The following CDH18 variants were observed in gnomAD, a reference collection of about 807,000 sequenced individuals.
The protein encoded by CDH18 is cadherin 18, also known as cadherin-18.
In CDH18, 31 loss-of-function variants were observed where a neutral mutation model predicts 67.9. The ratio of observed to expected loss-of-function variants is 0.46; its 90% CI spans 0.34 to 0.62. The LOEUF is 0.62. Ranked by LOEUF, CDH18 falls within the 20% of genes least tolerant of loss-of-function variation. The probability of loss-of-function intolerance (pLI) is 0.01; values close to 1 mark genes in which losing one functional copy is unlikely to be tolerated. For synonymous variants in CDH18, 362 were observed against 347.2 expected (o/e 1.04, Z -0.48); for missense variants, 890 against 975.5 (o/e 0.91, Z 1.17).
chr5:20,099,448 T>C (rs1232991925), intron 2 of CDH18, among the ~76,000 whole-genome samples: 1 of 152,230 alleles, frequency 6.6e-6, no homozygotes, highest in Non-Finnish European at 1.5e-5. Context: ...GAGGTCCTAT[T>C]AACCCTTGAT....
At chr5:19,766,687 A>T (rs1034127101) in intron 3 of CDH18, among the ~76,000 whole-genome samples, 3 of 152,148 alleles carry the variant, frequency 2.0e-5, no homozygotes, top group African/African-American at 7.2e-5. Context: ...ATTCACTCTG[A>T]ATTTCAGCAA....
At chr5:20,109,848 T>TA (rs900441626) in intron 2 of CDH18, among the ~76,000 whole-genome samples, 3 of 152,070 alleles carry the variant, frequency 2.0e-5, no homozygotes, top group Non-Finnish European at 2.9e-5. Context: ...TCTTTAGAAT[T>TA]AAAAAAAATA....
chr5:20,014,018 T>C (rs1189185511), intron 2 of CDH18, among the ~76,000 whole-genome samples: 2 of 152,106 alleles, frequency 1.3e-5, no homozygotes, highest in African/African-American at 4.8e-5. Context: ...TATACCACTG[T>C]GGTTATACAA....
chr5:19,961,324 G>C (rs1296128824), intron 2 of CDH18, among the ~76,000 whole-genome samples: 2 of 151,724 alleles, frequency 1.3e-5, no homozygotes, highest in Non-Finnish European at 2.9e-5. Flanking sequence ...GGCCAGACTG[G>C]TCTCAAACTC....
At position 20,373,585 on chromosome 5, in the gene CDH18, C is replaced by T. The variant is rs143588932; in HGVS notation, c.-579-118080G>A. Among the ~76,000 whole-genome samples the T allele has an allele frequency of 5.2e-4, 79 of 152,132 alleles. 1 individual carries two copies. The East Asian group carries it at 0.013, about 25-fold the overall frequency. ...TCATCTTTTGTAAATTTCAGCATTACTTACATTGGTTTTCAAAGCATTAAA... is the reference window on the plus strand; with the variant it reads ...TCATCTTTTGTAAATTTCAGCATTATTTACATTGGTTTTCAAAGCATTAAA... On this transcript the variant is annotated intron_variant, in intron 1 of 14. Coordinates refer to the CDH18 transcript ENST00000507958.
At chr5:19,950,556 G>A (rs909470183) in intron 2 of CDH18, among the ~76,000 whole-genome samples, 3 of 151,918 alleles carry the variant, frequency 2.0e-5, no homozygotes, top group South Asian at 2.1e-4. Flanking sequence ...ATTTTAAAAA[G>A]GAAGATATTT....
At chr5:19,898,696 A>C (rs780605585) in intron 2 of CDH18, among the ~76,000 whole-genome samples, 15 of 152,208 alleles carry the variant, frequency 9.9e-5, no homozygotes, top group South Asian at 4.1e-4. Flanking sequence ...TTACAAATTA[A>C]AGTTTTACAA....
At chr5:19,797,975 T>C (rs534846319) in intron 3 of CDH18, among the ~76,000 whole-genome samples, 14 of 152,116 alleles carry the variant, frequency 9.2e-5, no homozygotes, top group South Asian at 2.1e-4. Context: ...GAGAGAAACA[T>C]AGATTAATGG....
intron 7 of CDH18, among the ~76,000 whole-genome samples, chr5:19,574,599 C>A (rs757898408): frequency 1.3e-5 from 2 of 151,052 alleles, no homozygotes; most frequent in Non-Finnish European, 3.0e-5. Flanking sequence ...TGGTTTTACC[C>A]AAAAAAAATG....
intron 6 of CDH18, among the ~76,000 whole-genome samples, chr5:19,595,576 G>A (rs1266736518): frequency 3.3e-5 from 5 of 152,050 alleles, no homozygotes; most frequent in Non-Finnish European, 5.9e-5. Context: ...GTGAGCCGAC[G>A]TTGTGCCACT....
rs538562697 is a variant in CDH18, at chr5:20,369,082, C to T, written c.-579-113577G>A. On this transcript the variant is annotated intron_variant, in intron 1 of 14. Transcript: ENST00000507958. ...CTTCTTCTTCTCAGCTTGCCCTTGA[C>T]TGCTATGGAAACCAAAAAAAGAGCT... Among the ~76,000 whole-genome samples, 15 of 152,102 alleles carry T rather than the reference C, an allele frequency of 9.9e-5. No homozygotes were observed. The South Asian group carries it at 1.7e-3, about 17-fold the overall frequency.
intron 5 of CDH18, among the ~76,000 whole-genome samples, chr5:19,658,961 A>G (rs1756797922): frequency 6.6e-6 from 1 of 152,032 alleles, no homozygotes; most frequent in South Asian, 2.1e-4. Context: ...ATGGAATACT[A>G]TGCAGCCATA....
At chr5:19,785,057 A>G (rs866721039) in intron 3 of CDH18, among the ~76,000 whole-genome samples, 3 of 152,122 alleles carry the variant, frequency 2.0e-5, no homozygotes, top group South Asian at 4.1e-4. Context: ...TGTAATATAT[A>G]AAACCAAACT....
At chr5:19,544,136 C>A (rs924537234) in intron 8 of CDH18, 131 bp from the exon 9 acceptor site, 11 of 404,236 alleles carry the variant, frequency 2.7e-5, no homozygotes, top group Non-Finnish European at 3.9e-5. Context: ...GATTACATGG[C>A]AACTTTATAT....
At chr5:19,614,681 A>G (rs1749531073) in intron 5 of CDH18, among the ~76,000 whole-genome samples, 1 of 152,204 alleles carries the variant, frequency 6.6e-6, no homozygotes, top group Non-Finnish European at 1.5e-5. Flanking sequence ...GTTTTGCAAA[A>G]TAGATATGTA....
chr5:20,174,934 G>T (rs1362321141), intron 2 of CDH18, among the ~76,000 whole-genome samples: 3 of 151,902 alleles, frequency 2.0e-5, no homozygotes, highest in South Asian at 2.1e-4. Flanking sequence ...ATAAAATTAG[G>T]TTCTATTTTT....
At chr5:19,802,061 A>T (rs968717057) in intron 3 of CDH18, among the ~76,000 whole-genome samples, 1 of 152,206 alleles carries the variant, frequency 6.6e-6, no homozygotes, top group Non-Finnish European at 1.5e-5. Context: ...AGTAAAAAAA[A>T]TTAGCATAAA....
At chr5:20,345,298 G>A (rs966441665) in intron 1 of CDH18, among the ~76,000 whole-genome samples, 2 of 152,044 alleles carry the variant, frequency 1.3e-5, no homozygotes, top group African/African-American at 4.8e-5. Flanking sequence ...CTGCTGCTCT[G>A]CTTCTGTGGT....
At chr5:19,633,367 C>T (rs142205277) in intron 5 of CDH18, among the ~76,000 whole-genome samples, 4 of 152,152 alleles carry the variant, frequency 2.6e-5, no homozygotes, top group East Asian at 1.9e-4. Context: ...ATTCAGTGAA[C>T]GTTGATTGCA....
Sources: allele counts gnomAD v4.1 joint callset (sites outside exome capture counted in the v4.1 genomes callset), GRCh38; gene constraint gnomAD v4.1.1; transcripts MANE v1.5; gene names NCBI Gene and HGNC (gene_info 2026-07-23, HGNC 2026-07-21).